CCNI: variants seen among roughly 807,000 people sequenced by gnomAD.
CCNI encodes cyclin I.
In CCNI, 14 loss-of-function variants were observed where a neutral mutation model predicts 34.1. The ratio of observed to expected loss-of-function variants is 0.41; its 90% CI spans 0.27 to 0.64. The LOEUF is 0.64. Ranked by LOEUF, CCNI falls within the 30% of genes least tolerant of loss-of-function variation. The pLI, the probability that CCNI is intolerant of heterozygous loss-of-function variation, is 0.31. For missense variants in CCNI, 385 were observed against 440.5 expected (o/e 0.87, Z 1.13); for synonymous variants, 154 against 158.4 (o/e 0.97, Z 0.21).
intron 6 of CCNI, among the ~76,000 whole-genome samples, 156 bp downstream of exon 6, chr4:77,054,994 C>G (rs1047323585): frequency 1.4e-4 from 21 of 152,078 alleles, no homozygotes; most frequent in African/African-American, 3.9e-4. Context: ...AAGAGATCAC[C>G]TAGCCCGTAA....
At chr4:77,058,860 CTA>C (rs1156682057) in intron 2 of CCNI, among the ~76,000 whole-genome samples, 1 of 152,122 alleles carries the variant, frequency 6.6e-6, no homozygotes, top group Non-Finnish European at 1.5e-5. Context: ...AAAATTTTCA[CTA>C]TGTCATCTCA....
chr4:77,068,272 A>C (rs529498490), intron 1 of CCNI, among the ~76,000 whole-genome samples: 16 of 152,332 alleles, frequency 1.1e-4, no homozygotes, highest in African/African-American at 3.8e-4. Flanking sequence ...CTTCAGAAAA[A>C]AGAATTTAAG....
intron 2 of CCNI, among the ~76,000 whole-genome samples, chr4:77,065,831 G>A (rs569489336): frequency 6.6e-6 from 1 of 152,342 alleles, no homozygotes; most frequent in Admixed American, 6.5e-5. Context: ...CGGGCATGGT[G>A]GCTCACGCCT....
At chr4:77,049,799 G>A (rs142165310) in intron 6 of CCNI, among the ~76,000 whole-genome samples, 1 of 152,048 alleles carries the variant, frequency 6.6e-6, no homozygotes, top group Admixed American at 6.5e-5. Flanking sequence ...GTGTGGCATT[G>A]TATTATATTC....
At chr4:77,070,137 C>A (rs1210463950) in intron 1 of CCNI, among the ~76,000 whole-genome samples, 1 of 151,536 alleles carries the variant, frequency 6.6e-6, no homozygotes, top group Non-Finnish European at 1.5e-5. Flanking sequence ...CCTCCCTTAG[C>A]CTCCTGAGTA....
chr4:77,054,002 C>CGTAT (rs1473978271), intron 6 of CCNI, among the ~76,000 whole-genome samples: 9 of 152,120 alleles, frequency 5.9e-5, no homozygotes, highest in African/African-American at 2.2e-4. Context: ...AGATCTCTAG[C>CGTAT]TAACATACTG....
At chr4:77,059,542 A>G (rs574964166) in intron 2 of CCNI, among the ~76,000 whole-genome samples, 1 of 152,050 alleles carries the variant, frequency 6.6e-6, no homozygotes, top group African/African-American at 2.4e-5. Flanking sequence ...TTCCTGTTCA[A>G]TATTTTTTTT....
intron 2 of CCNI, among the ~76,000 whole-genome samples, chr4:77,062,665 T>A (rs1222035970): frequency 6.6e-6 from 1 of 152,142 alleles, no homozygotes; most frequent in East Asian, 1.9e-4. Flanking sequence ...AACAACCTCT[T>A]TTTAAGATTC....
intron 1 of CCNI, among the ~76,000 whole-genome samples, chr4:77,072,258 T>C (rs1291870919): frequency 6.6e-6 from 1 of 152,004 alleles, no homozygotes; most frequent in East Asian, 1.9e-4. Flanking sequence ...AATCACTCTT[T>C]GCTCACTCTA....
intron 6 of CCNI, among the ~76,000 whole-genome samples, chr4:77,054,547 G>A (rs1379457691): frequency 1.3e-5 from 2 of 152,188 alleles, no homozygotes; most frequent in Non-Finnish European, 2.9e-5. Flanking sequence ...CCATTTGAAT[G>A]AGAATTTTCT....
At chr4:77,052,880 T>C (rs1727962879) in intron 6 of CCNI, among the ~76,000 whole-genome samples, 1 of 152,278 alleles carries the variant, frequency 6.6e-6, no homozygotes, top group African/African-American at 2.4e-5. Flanking sequence ...GGGTTGGTGT[T>C]AGAGAACTGC....
chr4:77,062,262 G>A (rs1179604380), intron 2 of CCNI, among the ~76,000 whole-genome samples: 1 of 152,116 alleles, frequency 6.6e-6, no homozygotes, highest in East Asian at 1.9e-4. Flanking sequence ...CCTGTTAAAC[G>A]TTCAACATTT....
intron 1 of CCNI, among the ~76,000 whole-genome samples, chr4:77,072,906 A>AAAAAC (rs760328313): frequency 2.8e-4 from 42 of 152,224 alleles, no homozygotes; most frequent in Admixed American, 2.6e-3. Flanking sequence ...TAAAAGAACA[A>AAAAAC]AAGACAAGAC....
chr4:77,068,145 T>G (rs892122720), intron 1 of CCNI, among the ~76,000 whole-genome samples: 2 of 151,964 alleles, frequency 1.3e-5, no homozygotes, highest in African/African-American at 4.8e-5. Context: ...ACCACTGCAC[T>G]CCAGCCTGGC....
chr4:77,066,133 C>A, intron 2 of CCNI, 116 bp downstream of exon 2: 1 of 810,608 alleles, frequency 1.2e-6, no homozygotes, highest in Non-Finnish European at 2.0e-6. Flanking sequence ...CTCTCAAATA[C>A]AGCACATCCT....
At position 77,056,120 on chromosome 4, in the gene CCNI, G is replaced by A; in HGVS notation, c.319-18C>T. 1 of 1,610,836 alleles carries A rather than the reference G, an allele frequency of 6.2e-7. No individual in the cohort carries two copies. The highest frequency in any genetic ancestry group is 8.5e-7 in the Non-Finnish European group (1 of 1,178,416). ...GGAATTCTCTATCCAAAGCAAAGGG[G>A]AACAGGGACAGGGAGAAAAGGACAG... is the stretch of plus-strand genomic sequence containing the variant. On this transcript the variant is annotated intron_variant, in intron 4 of 6. Transcript: ENST00000237654.
chr4:77,058,097 G>A (rs752659430), intron 3 of CCNI, among the ~76,000 whole-genome samples: 2 of 152,214 alleles, frequency 1.3e-5, no homozygotes, highest in Non-Finnish European at 2.9e-5. Flanking sequence ...GCTCATGCCT[G>A]TAATCCCAGC....
At chr4:77,048,798 C>T (rs777224000) in intron 6 of CCNI, 136 bp from the exon 7 acceptor site, 1 of 506,136 alleles carries the variant, frequency 2.0e-6, no homozygotes, top group African/African-American at 1.9e-5. Flanking sequence ...CATCTACCTC[C>T]AACTCATTTA....
At chr4:77,055,036 C>T in intron 6 of CCNI, 114 bp downstream of exon 6, 1 of 670,370 alleles carries the variant, frequency 1.5e-6, no homozygotes, top group Non-Finnish European at 2.6e-6. Context: ...CTTGTCTACT[C>T]TTAAGAATGG....
Sources: allele counts gnomAD v4.1 joint callset (sites outside exome capture counted in the v4.1 genomes callset), GRCh38; gene constraint gnomAD v4.1.1; transcripts MANE v1.5; gene names NCBI Gene and HGNC (gene_info 2026-07-23, HGNC 2026-07-21).